GUCA1C: variants seen among roughly 807,000 people sequenced by gnomAD.
GUCA1C encodes the protein guanylyl cyclase-activating protein 3.
GUCA1C carries 15 observed loss-of-function variants against 16.2 expected under a neutral mutation model. The observed-to-expected ratio is 0.93, with a 90% confidence interval of 0.62 to 1.43. The LOEUF (loss-of-function observed/expected upper bound fraction) is 1.43. GUCA1C is among the 40% of genes most tolerant of loss of function. The pLI is 0.00. For missense variants in GUCA1C, 275 were observed against 244.8 expected, an observed-to-expected ratio of 1.12 and a Z score of -0.82; for synonymous variants, 78 against 85.4, an observed-to-expected ratio of 0.91 and a Z score of 0.48.
At chr3:108,941,483 C>T (rs1296270621) in intron 1 of GUCA1C, among the ~76,000 whole-genome samples, 1 of 152,176 alleles carries the variant, frequency 6.6e-6, no homozygotes, top group Non-Finnish European at 1.5e-5. Context: ...CCAAAAGAGG[C>T]AAAGACTTTT....
chr3:108,919,139 C>T (rs560429202), intron 2 of GUCA1C, among the ~76,000 whole-genome samples: 1 of 152,172 alleles, frequency 6.6e-6, no homozygotes, highest in South Asian at 2.1e-4. Flanking sequence ...GTTTTTAGTA[C>T]TGATTAATTT....
intron 1 of GUCA1C, among the ~76,000 whole-genome samples, chr3:108,928,092 C>CT: frequency 1.3e-5 from 2 of 152,200 alleles, no homozygotes; most frequent in Non-Finnish European, 2.9e-5. Flanking sequence ...GTGGATACCA[C>CT]CACAGTTTTT....
At chr3:108,953,522 A>C (rs1273199100) in intron 1 of GUCA1C, 37 bp downstream of exon 1, 1 of 1,363,146 alleles carries the variant, frequency 7.3e-7, no homozygotes, top group African/African-American at 1.4e-5. Context: ...GCAGAACCAC[A>C]GCATTTTCAA....
intron 1 of GUCA1C, among the ~76,000 whole-genome samples, chr3:108,950,321 T>C (rs1400634589): frequency 6.6e-6 from 1 of 152,234 alleles, no homozygotes; most frequent in East Asian, 1.9e-4. Context: ...GTTGATTCCA[T>C]ATCTTGCCTG....
intron 1 of GUCA1C, among the ~76,000 whole-genome samples, chr3:108,941,203 C>T (rs1470476458): frequency 2.6e-5 from 4 of 152,220 alleles, no homozygotes; most frequent in Non-Finnish European, 5.9e-5. Flanking sequence ...CTTCTCATTC[C>T]TCTTCCTGTC....
At chr3:108,938,051 A>G (rs1209254127) in intron 1 of GUCA1C, among the ~76,000 whole-genome samples, 1 of 151,474 alleles carries the variant, frequency 6.6e-6, no homozygotes, top group African/African-American at 2.4e-5. Flanking sequence ...ATAGAGCAAG[A>G]CTCTGTCTAA....
chr3:108,936,063 G>A (rs530883257), intron 1 of GUCA1C, among the ~76,000 whole-genome samples: 75 of 151,860 alleles, frequency 4.9e-4, no homozygotes, highest in Non-Finnish European at 8.1e-4. Context: ...CTAGGAGCTT[G>A]AAACCAGCCT....
chr3:108,914,354 C>T (rs529048400), intron 3 of GUCA1C, among the ~76,000 whole-genome samples: 1 of 152,156 alleles, frequency 6.6e-6, no homozygotes, highest in African/African-American at 2.4e-5. Context: ...CCTTGGGGAA[C>T]CTTCTTGGAT....
intron 1 of GUCA1C, 35 bp downstream of exon 1, chr3:108,953,524 C>A: frequency 7.3e-7 from 1 of 1,366,574 alleles, no homozygotes; most frequent in Non-Finnish European, 1.0e-6. Flanking sequence ...AGAACCACAG[C>A]ATTTTCAAAT....
At chr3:108,924,670 G>A (rs1946604923) in intron 1 of GUCA1C, among the ~76,000 whole-genome samples, 1 of 151,996 alleles carries the variant, frequency 6.6e-6, no homozygotes, top group Non-Finnish European at 1.5e-5. Context: ...GATTTAGGGA[G>A]GATTCCCTCT....
intron 2 of GUCA1C, among the ~76,000 whole-genome samples, chr3:108,917,843 T>C (rs1290265138): frequency 6.6e-6 from 1 of 151,972 alleles, no homozygotes; most frequent in Non-Finnish European, 1.5e-5. Context: ...CAGGAGTTCA[T>C]AGACCAGCCT....
chr3:108,925,871 G>C (rs957798544), intron 1 of GUCA1C, among the ~76,000 whole-genome samples: 6 of 152,180 alleles, frequency 3.9e-5, no homozygotes, highest in Admixed American at 3.9e-4. Flanking sequence ...TGGATCACCT[G>C]AGATCAAGAG....
intron 2 of GUCA1C, among the ~76,000 whole-genome samples, chr3:108,917,915 G>A (rs1302304610): frequency 3.3e-5 from 5 of 152,034 alleles, no homozygotes; most frequent in Admixed American, 2.6e-4. Flanking sequence ...CGTGGTGGCG[G>A]GCGCCTGTAA....
upstream of GUCA1C, chr3:108,953,998 G>C (rs990455981): frequency 1.9e-6 from 1 of 513,698 alleles, no homozygotes; most frequent in African/African-American, 1.9e-5. Context: ...CAGTCATGCA[G>C]AGACATAGTT....
At chr3:108,928,284 C>G (rs1401838963) in intron 1 of GUCA1C, among the ~76,000 whole-genome samples, 1 of 152,194 alleles carries the variant, frequency 6.6e-6, no homozygotes, top group Non-Finnish European at 1.5e-5. Context: ...CTCCACCATC[C>G]TAATCCAGAT....
chr3:108,931,784 A>T (rs944301025), intron 1 of GUCA1C, among the ~76,000 whole-genome samples: 12 of 151,934 alleles, frequency 7.9e-5, no homozygotes, highest in Non-Finnish European at 4.4e-5. Context: ...GTCCCTGCAA[A>T]TGTGACTAAG....
At chr3:108,927,287 T>A (rs1393088776) in intron 1 of GUCA1C, among the ~76,000 whole-genome samples, 1 of 152,240 alleles carries the variant, frequency 6.6e-6, no homozygotes, top group Non-Finnish European at 1.5e-5. Context: ...CCAGCAAGGC[T>A]GAGGAAGTTT....
chr3:108,934,373 C>T (rs909865374), intron 1 of GUCA1C, among the ~76,000 whole-genome samples: 9 of 152,010 alleles, frequency 5.9e-5, no homozygotes, highest in Admixed American at 5.9e-4. Context: ...CAATAGATCC[C>T]GCCGAGGCTG....
intron 1 of GUCA1C, among the ~76,000 whole-genome samples, chr3:108,944,879 G>A (rs942325699): frequency 1.3e-5 from 2 of 152,200 alleles, no homozygotes; most frequent in African/African-American, 4.8e-5. Context: ...GTTGTTTCAT[G>A]AGGATGAATT....
Sources: allele counts gnomAD v4.1 joint callset (sites outside exome capture counted in the v4.1 genomes callset), GRCh38; gene constraint gnomAD v4.1.1; transcripts MANE v1.5; gene names NCBI Gene and HGNC (gene_info 2026-07-23, HGNC 2026-07-21).